RSF1: variants seen among roughly 807,000 people sequenced by gnomAD.
The protein encoded by RSF1 is HBV pX-associated protein 8.
Under a neutral mutation model 145.2 loss-of-function variants are expected in RSF1, and 13 were observed. The observed-to-expected ratio is 0.09, with a 90% confidence interval of 0.06 to 0.14. The LOEUF is 0.14. Among genes scored for constraint, RSF1 ranks in the 10% least tolerant of loss-of-function variants. The probability of loss-of-function intolerance (pLI) is 1.00; values close to 1 mark genes in which losing one functional copy is unlikely to be tolerated. For missense variants in RSF1, 1,517 were observed against 1,718.2 expected (o/e 0.88, Z 2.07); for synonymous variants, 577 against 592.6 (o/e 0.97, Z 0.38).
At chr11:77,795,550 C>T (rs1187021280) in intron 1 of RSF1, among the ~76,000 whole-genome samples, 1 of 152,094 alleles carries the variant, frequency 6.6e-6, no homozygotes, top group African/African-American at 2.4e-5. Context: ...GAATAGAGAA[C>T]TCAGAAATAA....
the RSF1 span, among the ~76,000 whole-genome samples, chr11:77,847,984 C>G: frequency 6.6e-6 from 1 of 152,190 alleles, no homozygotes. Context: ...TCTCCTTCCT[C>G]TGCTTTATGT....
In RSF1 at chr11:77,672,026, G is replaced by A. The variant is rs199989244; in HGVS notation, c.3751+16C>T. The A allele has an allele frequency of 2.8e-5, 44 of 1,597,728 alleles. No individual in the cohort carries two copies. Among genetic ancestry groups the A allele is most frequent in the East Asian group, 2.5e-4 (11 of 44,774 alleles). Reference sequence around the variant, plus strand: ...GCCCTGTCCAAACTTCTATATATAGGAGACCTATGCCTTACCTTCACTCTC... The same window carrying A: ...GCCCTGTCCAAACTTCTATATATAGAAGACCTATGCCTTACCTTCACTCTC... On this transcript the variant is annotated intron_variant, in intron 15 of 15. Transcript: ENST00000308488.
At chr11:77,678,227 T>C (rs1212671589) in intron 11 of RSF1, 74 bp from the exon 12 acceptor site, 13 of 871,992 alleles carry the variant, frequency 1.5e-5, no homozygotes, top group Middle Eastern at 3.7e-4. Context: ...TTTTTATTTA[T>C]TTATTTTTGA....
intron 15 of RSF1, 77 bp downstream of exon 15, chr11:77,671,965 A>G (rs1282732904): frequency 7.6e-7 from 1 of 1,308,380 alleles, no homozygotes; most frequent in Non-Finnish European, 1.1e-6. Flanking sequence ...ATGGTACAGA[A>G]TCACAATCCT....
At chr11:77,675,304 A>G in intron 13 of RSF1, 48 bp from the exon 14 acceptor site, 1 of 1,484,480 alleles carries the variant, frequency 6.7e-7, no homozygotes, top group Non-Finnish European at 9.1e-7. Flanking sequence ...AGAAGAGTGA[A>G]CCCATTTTTA....
intron 15 of RSF1, among the ~76,000 whole-genome samples, chr11:77,670,022 A>G (rs1466190832): frequency 6.6e-6 from 1 of 152,216 alleles, no homozygotes; most frequent in African/African-American, 2.4e-5. Flanking sequence ...GCCACTTGGG[A>G]GGCTGAGGCA....
chr11:77,680,050 A>G (rs535477464), intron 11 of RSF1, among the ~76,000 whole-genome samples: 3 of 152,342 alleles, frequency 2.0e-5, no homozygotes, highest in East Asian at 3.9e-4. Flanking sequence ...TATGGCCACC[A>G]TATCAGACAT....
At chr11:77,802,277 AG>A (rs1479925307) in intron 1 of RSF1, among the ~76,000 whole-genome samples, 18 of 152,204 alleles carry the variant, frequency 1.2e-4, no homozygotes, top group Non-Finnish European at 5.9e-5. Context: ...CAAGTCAGAC[AG>A]AAGTGTGGGG....
intron 4 of RSF1, among the ~76,000 whole-genome samples, chr11:77,729,306 G>A (rs761495939): frequency 2.0e-5 from 3 of 152,164 alleles, no homozygotes; most frequent in African/African-American, 7.2e-5. Context: ...GAGATGGGAC[G>A]TTCAGATTAG....
intron 1 of RSF1, among the ~76,000 whole-genome samples, chr11:77,805,941 C>A (rs140712229): frequency 6.6e-6 from 1 of 152,330 alleles, no homozygotes; most frequent in East Asian, 1.9e-4. Flanking sequence ...TATTCCTACT[C>A]AAAACACTTT....
chr11:77,679,573 C>T (rs541252429), intron 11 of RSF1, among the ~76,000 whole-genome samples: 4 of 150,166 alleles, frequency 2.7e-5, no homozygotes, highest in Admixed American at 6.7e-5. Flanking sequence ...CTTGGGGGGC[C>T]GAGACAAGAG....
At chr11:77,730,143 G>C (rs1961167082) in intron 4 of RSF1, among the ~76,000 whole-genome samples, 1 of 152,010 alleles carries the variant, frequency 6.6e-6, no homozygotes, top group African/African-American at 2.4e-5. Context: ...CACATAGAGA[G>C]GTATGGTAAT....
chr11:77,741,422 A>G (rs1947937396), intron 3 of RSF1, among the ~76,000 whole-genome samples: 1 of 152,130 alleles, frequency 6.6e-6, no homozygotes, highest in Non-Finnish European at 1.5e-5. Flanking sequence ...GCACGCCTAC[A>G]GTCCCAGCTA....
At chr11:77,720,248 G>T (rs901076243) in intron 5 of RSF1, among the ~76,000 whole-genome samples, 1 of 152,156 alleles carries the variant, frequency 6.6e-6, no homozygotes, top group Admixed American at 6.5e-5. Context: ...CTGATCACCT[G>T]TAGGCAGAAG....
chr11:77,810,569 G>T (rs750261399), intron 1 of RSF1, among the ~76,000 whole-genome samples: 60 of 151,808 alleles, frequency 4.0e-4, no homozygotes, highest in Non-Finnish European at 6.6e-4. Context: ...TTTATTTTTT[G>T]GGGGGGAGAT....
chr11:77,692,232 A>ATTTTTTTTTT (rs1565149884), intron 8 of RSF1, among the ~76,000 whole-genome samples: 6 of 59,734 alleles, frequency 1.0e-4, no homozygotes, highest in Non-Finnish European at 1.2e-4. Flanking sequence ...ACTACTTTTA[A>ATTTTTTTTTT]ATTTTTTTTT....
the RSF1 span, among the ~76,000 whole-genome samples, chr11:77,837,927 G>T: frequency 6.6e-6 from 1 of 152,108 alleles, no homozygotes; most frequent in Admixed American, 6.5e-5. Flanking sequence ...TACAAAATTA[G>T]CTGGATATGG....
intron 1 of RSF1, among the ~76,000 whole-genome samples, chr11:77,790,422 T>C (rs1447849435): frequency 6.6e-6 from 1 of 152,148 alleles, no homozygotes; most frequent in Non-Finnish European, 1.5e-5. Flanking sequence ...AGATGAGATC[T>C]GGGTGGGGAC....
chr11:77,758,610 C>A (rs1160744226), intron 2 of RSF1, among the ~76,000 whole-genome samples: 1 of 152,190 alleles, frequency 6.6e-6, no homozygotes, highest in African/African-American at 2.4e-5. Context: ...ACCACACTTA[C>A]TTTCCTTTTT....
Sources: allele counts gnomAD v4.1 joint callset (sites outside exome capture counted in the v4.1 genomes callset), GRCh38; gene constraint gnomAD v4.1.1; transcripts MANE v1.5; gene names NCBI Gene and HGNC (gene_info 2026-07-23, HGNC 2026-07-21).